The following HIF3A variants were observed in gnomAD, a reference collection of about 807,000 sequenced individuals.
HIF3A encodes the protein hypoxia-inducible factor 3-alpha.
Under a neutral mutation model 67.2 loss-of-function variants are expected in HIF3A, and 41 were observed. The ratio of observed to expected loss-of-function variants is 0.61; its 90% CI spans 0.48 to 0.79. HIF3A has a LOEUF of 0.79. Among genes scored for constraint, HIF3A ranks in the 30% least tolerant of loss-of-function variants. The probability of loss-of-function intolerance (pLI) is 0.00; values close to 1 mark genes in which losing one functional copy is unlikely to be tolerated. For synonymous variants in HIF3A, 356 were observed against 374.8 expected, an observed-to-expected ratio of 0.95 and a Z score of 0.58; for missense variants, 855 against 898.0, an observed-to-expected ratio of 0.95 and a Z score of 0.61.
chr19:46,311,399 T>C (rs1969412272), intron 6 of HIF3A, among the ~76,000 whole-genome samples: 1 of 152,196 alleles, frequency 6.6e-6, no homozygotes, highest in Non-Finnish European at 1.5e-5. Context: ...CGGATCAGCC[T>C]GGACAGCATA....
At chr19:46,306,887 G>A (rs1385056905) in intron 3 of HIF3A, among the ~76,000 whole-genome samples, 4 of 152,186 alleles carry the variant, frequency 2.6e-5, no homozygotes, top group African/African-American at 9.7e-5. Context: ...CATTCACATG[G>A]TGAGCCAATA....
intron 12 of HIF3A, among the ~76,000 whole-genome samples, chr19:46,329,959 G>A (rs368384886): frequency 4.8e-3 from 485 of 100,074 alleles, no homozygotes; most frequent in East Asian, 6.4e-3. Flanking sequence ...ACCCTGTCAA[G>A]AAAAAAAAAA....
chr19:46,305,260 T>C lies in HIF3A; in HGVS notation c.233T>C (p.Val78Ala). Residue 78 changes from valine to alanine, a missense_variant, in exon 3 of 15, where the codon GTG becomes GCG. Val to Ala is a moderately conservative substitution (Grantham distance 64). Transcript: ENST00000377670. ...CGGGCACCAGGGGAGTGGAACCAGG[T>C]GGGAGCAGGGGGAGAACCACTGGAT... is the stretch of plus-strand genomic sequence containing the variant. ...RLCAAGEWNQ[V>A]GAGGEPLDAC... 6.2e-7 allele frequency: 1 copy of C among 1,613,988 alleles called. No homozygotes were observed.
intron 8 of HIF3A, 199 bp from the exon 9 acceptor site, chr19:46,320,244 C>T: frequency 1.9e-6 from 1 of 527,992 alleles, no homozygotes. Flanking sequence ...AAATAAAATG[C>T]TGTCAGAATA....
At chr19:46,318,046 G>C (rs1216466730) in intron 8 of HIF3A, among the ~76,000 whole-genome samples, 8 of 151,842 alleles carry the variant, frequency 5.3e-5, no homozygotes, top group Non-Finnish European at 1.2e-4. Flanking sequence ...ATGTTGGCCG[G>C]GCTGGTCTTG....
At chr19:46,332,995 A>C (rs531172915) in intron 13 of HIF3A, among the ~76,000 whole-genome samples, 38 of 151,724 alleles carry the variant, frequency 2.5e-4, no homozygotes, top group African/African-American at 9.2e-4. Flanking sequence ...AAAAAAAAAA[A>C]AACAACCTCT....
rs746939991 is a variant in HIF3A at position 46,321,974 on chromosome 19, A to G, written c.1335+8A>G. On this transcript the variant is annotated splice_region_variant and intron_variant, in intron 10 of 14. Transcript: ENST00000377670. ...CCCCAAAGTCCTCTTTCGGTAAGCCATCCCACCCATGTGAGCCCTCAGCAT... is the reference window on the plus strand; with the variant it reads ...CCCCAAAGTCCTCTTTCGGTAAGCCGTCCCACCCATGTGAGCCCTCAGCAT... 1.9e-6 allele frequency: 3 copies of G among 1,613,012 alleles called. No individual in the cohort carries two copies. The East Asian group carries it at 6.7e-5, about 36-fold the overall frequency.
chr19:46,315,080 T>TTTGTTTTGTG (rs1402711162), intron 8 of HIF3A, among the ~76,000 whole-genome samples: 1 of 145,260 alleles, frequency 6.9e-6, no homozygotes, highest in Non-Finnish European at 1.5e-5. Context: ...GTTTTTTTGT[T>TTTGTTTTGTG]TTGTTTTTGA....
intron 2 of HIF3A, 200 bp from the exon 3 acceptor site, chr19:46,305,045 C>T: frequency 2.7e-6 from 2 of 734,634 alleles, no homozygotes; most frequent in Admixed American, 2.0e-5. Context: ...CCCTGGGAGG[C>T]CCTGCTTCTA....
rs1035159251 is a variant in HIF3A at position 46,341,190 on chromosome 19, ATCTC to A, written c.*1574_*1577del. The A allele has an allele frequency of 3.4e-5, 5 of 146,914 alleles. No individual in the cohort carries two copies. The highest frequency in any genetic ancestry group is 2.0e-4 in the Admixed American group (3 of 14,690). 9.1% of individuals were successfully genotyped at this position (146,914 alleles called of 1,614,324 possible). A position where few individuals can be genotyped will look rare whatever the true frequency, so the allele number is the denominator to read the frequency against. ...TTTGGTTCCAAATCCAGACCTCTTA[ATCTC>A]TCTCTTTTTTTTTTTTTTTTTTTGA... On this transcript the variant is annotated 3_prime_UTR_variant, in exon 15 of 15. Coordinates refer to ENST00000377670, the MANE Select transcript of HIF3A (RefSeq NM_152795.4).
rs1388724339 is a variant in HIF3A at position 46,337,814 on chromosome 19, A to T, written c.1913-1711A>T. ...TACACAAAGCCCTGCCTAACTTCAT[A>T]CGCTCATGGTTTATAACACTCCATA... On this transcript the variant is annotated intron_variant, in intron 14 of 14. Coordinates refer to ENST00000377670, the MANE Select transcript of HIF3A (RefSeq NM_152795.4). Among the ~76,000 whole-genome samples the T allele has an allele frequency of 2.0e-5, 3 of 152,148 alleles. No individual in the cohort carries two copies. The East Asian group carries it at 5.8e-4, about 29-fold the overall frequency.
At chr19:46,326,637 TG>T (rs1427095319) in intron 11 of HIF3A, among the ~76,000 whole-genome samples, 2 of 152,148 alleles carry the variant, frequency 1.3e-5, no homozygotes, top group Non-Finnish European at 2.9e-5. Flanking sequence ...CTGGTCTTGG[TG>T]CTGGGGAAGC....
In HIF3A at chr19:46,341,638, T is replaced by TC. The variant is rs1407330699; in HGVS notation, c.*2017dup. ...GTGTTTATCTCTTTTTTCTTCCTCT[T>TC]CTTTTTTTTTTTTTTCTTTTTTGAG... On this transcript the variant is annotated 3_prime_UTR_variant, in exon 15 of 15. Transcript: ENST00000377670. The TC allele has an allele frequency of 6.6e-6, 1 of 150,644 alleles. No homozygotes were observed. Among genetic ancestry groups the TC allele is most frequent in the East Asian group, 1.9e-4 (1 of 5,176 alleles). 9.3% of individuals were successfully genotyped at this position (150,644 alleles called of 1,614,324 possible).
At chr19:46,325,438 T>G in intron 10 of HIF3A, 97 bp from the exon 11 acceptor site, 1 of 829,484 alleles carries the variant, frequency 1.2e-6, no homozygotes. Flanking sequence ...ATGCCTGGCA[T>G]TTGATCCCCA....
intron 2 of HIF3A, chr19:46,305,039 G>A (rs758331152): frequency 1.3e-5 from 9 of 718,348 alleles, no homozygotes; most frequent in South Asian, 1.2e-4. Context: ...CTGCCACCCT[G>A]GGAGGCCCTG....
chr19:46,313,480 C>T (rs916474537), intron 8 of HIF3A: 3 of 110,008 alleles, frequency 2.7e-5, no homozygotes, highest in African/African-American at 1.1e-4. Context: ...AAAAAAAAAC[C>T]TGAAAACAGA....
chr19:46,308,176 G>A (rs770120086), intron 3 of HIF3A, 45 bp from the exon 4 acceptor site: 7 of 1,230,342 alleles, frequency 5.7e-6, no homozygotes, highest in Non-Finnish European at 7.2e-6. Flanking sequence ...TGGAGGAGAT[G>A]GGTCAGAAGC....
intron 9 of HIF3A, 80 bp from the exon 10 acceptor site, chr19:46,321,696 C>G: frequency 8.0e-7 from 1 of 1,257,044 alleles, no homozygotes; most frequent in East Asian, 2.3e-5. Context: ...CAACTGTGTT[C>G]CTGGGGTTGG....
chr19:46,314,475 A>C (rs1005887884), intron 8 of HIF3A, among the ~76,000 whole-genome samples: 1 of 147,694 alleles, frequency 6.8e-6, no homozygotes, highest in African/African-American at 2.5e-5. Flanking sequence ...ACATGCATGC[A>C]ATTGTGTAAC....
Sources: gnomAD v4.1 joint callset for allele counts (sites outside exome capture counted in the v4.1 genomes callset) on GRCh38, gnomAD v4.1.1 for gene constraint, MANE v1.5 for transcripts, NCBI Gene and HGNC (gene_info 2026-07-23, HGNC 2026-07-21) for gene names.